The following SCN2A variants were observed in gnomAD, a reference collection of about 807,000 sequenced individuals.
SCN2A encodes sodium channel protein type 2 subunit alpha.
Under a neutral mutation model 188.7 loss-of-function variants are expected in SCN2A, and 20 were observed. That is an observed-to-expected ratio of 0.11 (90% CI 0.07 to 0.15). The LOEUF (loss-of-function observed/expected upper bound fraction) is 0.15, where lower values mean the gene tolerates loss of function less well. Among genes scored for constraint, SCN2A ranks in the 10% least tolerant of loss-of-function variants. SCN2A has a pLI of 1.00. For missense variants in SCN2A, 1,278 were observed against 2,445.0 expected (o/e 0.52, Z 10.07); for synonymous variants, 804 against 833.1 (o/e 0.97, Z 0.60).
In SCN2A at chr2:165,344,716, A is replaced by G; in HGVS notation, c.2724A>G (p.Lys908=). ...VGMQLFGKSY[K]ECVCKISNDC... is the part of the protein sequence containing the mutation. ...TGCAGCTCTTTGGTAAGAGCTACAA[A>G]GAATGTGTCTGCAAGATTTCCAATG... Residue 908 remains lysine (K), a synonymous_variant, in exon 16 of 27, where the codon AAA becomes AAG. Transcript: ENST00000375437. 1 of 1,614,170 alleles carries G rather than the reference A, an allele frequency of 6.2e-7. No homozygotes were observed. Among genetic ancestry groups the G allele is most frequent in the Non-Finnish European group, 8.5e-7 (1 of 1,180,024 alleles).
chr2:165,367,307 T>C lies in SCN2A; in HGVS notation c.3611T>C (p.Ile1204Thr). ...WWNLRKTCYK[I>T]VEHNWFETFI... ...AATTTGAGGAAAACATGCTATAAGA[T>C]AGTGGAGCACAATTGGTTCGAAACC... is the stretch of plus-strand genomic sequence containing the variant. Residue 1204 changes from isoleucine (I) to threonine (T), a missense_variant, in exon 19 of 27, where the codon ATA (isoleucine) becomes ACA (threonine). Physicochemically the swap from Ile to Thr is moderately conservative, Grantham distance 89. This residue lies in a region of SCN2A where 228 missense variants were observed against 297.3 expected (regional missense o/e 0.77). Transcript: ENST00000375437. The C allele has an allele frequency of 1.2e-6, 2 of 1,614,168 alleles. No individual in the cohort carries two copies. Among genetic ancestry groups the C allele is most frequent in the Non-Finnish European group, 1.7e-6 (2 of 1,180,006 alleles).
At chr2:165,314,240 TG>T in intron 10 of SCN2A, 132 bp downstream of exon 10, 1 of 875,940 alleles carries the variant, frequency 1.1e-6, no homozygotes, top group Non-Finnish European at 1.8e-6. Context: ...GGAGCCTGTT[TG>T]GTTATTAAGA....
chr2:165,263,908 G>A (rs1336450923), intron 1 of SCN2A, among the ~76,000 whole-genome samples: 1 of 147,242 alleles, frequency 6.8e-6, no homozygotes, highest in Non-Finnish European at 1.5e-5. Flanking sequence ...TGCAGCTATT[G>A]TAAAAGGGGT....
intron 1 of SCN2A, among the ~76,000 whole-genome samples, chr2:165,249,026 T>C (rs1285302182): frequency 1.3e-5 from 2 of 152,144 alleles, no homozygotes; most frequent in East Asian, 1.9e-4. Flanking sequence ...AGTAAATGTA[T>C]CATTAATAGT....
chr2:165,274,455 T>C (rs1695244520), intron 1 of SCN2A: 1 of 151,914 alleles, frequency 6.6e-6, no homozygotes, highest in Non-Finnish European at 1.5e-5. Flanking sequence ...CTCTGTAATG[T>C]ATTAGGAATG....
chr2:165,321,222 C>A (rs1574586604), intron 11 of SCN2A, among the ~76,000 whole-genome samples: 3 of 152,322 alleles, frequency 2.0e-5, no homozygotes, highest in Non-Finnish European at 2.9e-5. Context: ...CATTTCCCAA[C>A]AAGTTCCTCA....
At chr2:165,251,068 T>G (rs1694068874) in intron 1 of SCN2A, among the ~76,000 whole-genome samples, 1 of 152,124 alleles carries the variant, frequency 6.6e-6, no homozygotes, top group South Asian at 2.1e-4. Context: ...TATAATTCAG[T>G]ATATACTATT....
At chr2:165,285,845 C>T (rs1695803787) in intron 1 of SCN2A, 1 of 182,436 alleles carries the variant, frequency 5.5e-6, no homozygotes, top group African/African-American at 2.4e-5. Flanking sequence ...GCTAGCAGGT[C>T]AGTGTATTGA....
chr2:165,281,225 G>C (rs761884460), intron 1 of SCN2A, among the ~76,000 whole-genome samples: 4 of 152,058 alleles, frequency 2.6e-5, no homozygotes, highest in Admixed American at 1.3e-4. Flanking sequence ...TAAAAAAATA[G>C]ATATTTTATT....
intron 23 of SCN2A, among the ~76,000 whole-genome samples, chr2:165,380,239 G>A (rs1361362010): frequency 6.6e-6 from 1 of 151,752 alleles, no homozygotes; most frequent in East Asian, 1.9e-4. Context: ...TTTTGACATA[G>A]AATAATGTGA....
chr2:165,285,491 G>T, intron 1 of SCN2A: 1 of 166,250 alleles, frequency 6.0e-6, no homozygotes, highest in East Asian at 1.7e-4. Flanking sequence ...ATTTTTAAGA[G>T]GGTGGGTGAT....
intron 1 of SCN2A, chr2:165,243,868 G>A (rs1267533139): frequency 2.0e-5 from 3 of 152,076 alleles, no homozygotes; most frequent in Admixed American, 1.3e-4. Context: ...AATACCATTG[G>A]CAATATAATA....
In SCN2A at chr2:165,388,855, C is replaced by G; in HGVS notation, c.5049C>G (p.Ala1683=). 6.2e-7 allele frequency: 1 copy of G among 1,614,016 alleles called. No homozygotes were observed. Among genetic ancestry groups the G allele is most frequent in the Non-Finnish European group, 8.5e-7 (1 of 1,179,982 alleles). The change falls in exon 27 of 27, where the codon GCC becomes GCG. Residue 1683 remains alanine (A), a synonymous_variant. Transcript: ENST00000375437. ...IYAIFGMSNF[A]YVKREVGIDD... ...CCATCTTTGGGATGTCCAATTTTGC[C>G]TATGTTAAGAGGGAAGTTGGGATCG...
At chr2:165,250,489 TCACACACACA>T (rs3029614) in intron 1 of SCN2A, among the ~76,000 whole-genome samples, 35 of 148,310 alleles carry the variant, frequency 2.4e-4, no homozygotes, top group Middle Eastern at 3.4e-3. Context: ...TTGCTCTATT[TCACACACACA>T]CACACACACA....
intron 17 of SCN2A, among the ~76,000 whole-genome samples, chr2:165,362,177 G>A (rs773953555): frequency 6.6e-6 from 1 of 151,846 alleles, no homozygotes; most frequent in African/African-American, 2.4e-5. Context: ...GCATTTTCTA[G>A]AAACACAAAA....
At chr2:165,320,373 T>C (rs1368969419) in intron 11 of SCN2A, 1 of 152,242 alleles carries the variant, frequency 6.6e-6, no homozygotes, top group Non-Finnish European at 1.5e-5. Flanking sequence ...AGGTACACGG[T>C]TCAAGATGTT....
intron 23 of SCN2A, among the ~76,000 whole-genome samples, chr2:165,380,020 C>CTACAGACCTACTACA (rs1258364478): frequency 3.3e-5 from 5 of 151,944 alleles, no homozygotes; most frequent in Non-Finnish European, 5.9e-5. Flanking sequence ...TATATACCTA[C>CTACAGACCTACTACA]ATGCAGACCT....
At chr2:165,317,772 A>G (rs1399171522) in intron 11 of SCN2A, among the ~76,000 whole-genome samples, 2 of 152,156 alleles carry the variant, frequency 1.3e-5, no homozygotes, top group Admixed American at 1.3e-4. Context: ...AAGACATGGC[A>G]TGGCTGGCTC....
At chr2:165,381,955 A>G (rs1261890776) in intron 25 of SCN2A, among the ~76,000 whole-genome samples, 1 of 152,040 alleles carries the variant, frequency 6.6e-6, no homozygotes, top group Non-Finnish European at 1.5e-5. Context: ...CTATAAATCT[A>G]TTGGTGACAA....
Sources: gnomAD v4.1 joint callset for allele counts (sites outside exome capture counted in the v4.1 genomes callset) on GRCh38, gnomAD v4.1.1 for gene constraint, gnomAD v4.1.1 regional missense constraint, MANE v1.5 for transcripts, NCBI Gene and HGNC (gene_info 2026-07-23, HGNC 2026-07-21) for gene names.